The following GRM7 variants were observed in gnomAD, a reference collection of about 807,000 sequenced individuals.
The protein encoded by GRM7 is glutamate metabotropic receptor 7.
A neutral mutation model predicts 84.5 loss-of-function variants in GRM7; 35 were observed. That is an observed-to-expected ratio of 0.41 (90% CI 0.32 to 0.55). The LOEUF (loss-of-function observed/expected upper bound fraction) is 0.55, where lower values mean the gene tolerates loss of function less well. Among genes scored for constraint, GRM7 ranks in the 20% least tolerant of loss-of-function variants. GRM7 has a pLI of 0.19. For synonymous variants in GRM7, 487 were observed against 455.1 expected (o/e 1.07, Z -0.89); for missense variants, 1,003 against 1,194.6 (o/e 0.84, Z 2.36).
At chr3:7,649,504 T>G (rs1575593195) in intron 8 of GRM7, among the ~76,000 whole-genome samples, 1 of 152,258 alleles carries the variant, frequency 6.6e-6, no homozygotes, top group East Asian at 1.9e-4. Context: ...TTGATAGTGG[T>G]TATTTTTGTC....
intron 8 of GRM7, among the ~76,000 whole-genome samples, chr3:7,612,884 T>A (rs538965001): frequency 2.8e-4 from 43 of 152,312 alleles, no homozygotes; most frequent in African/African-American, 9.4e-4. Context: ...GATCCATTGC[T>A]TATCTTTAAA....
chr3:7,081,296 T>C (rs527406322), intron 1 of GRM7, among the ~76,000 whole-genome samples: 2 of 152,240 alleles, frequency 1.3e-5, no homozygotes, highest in African/African-American at 2.4e-5. Context: ...TGTCACACTT[T>C]GGTAATTCTC....
chr3:6,904,398 C>T (rs551131791), intron 1 of GRM7, among the ~76,000 whole-genome samples: 2 of 152,246 alleles, frequency 1.3e-5, no homozygotes, highest in East Asian at 3.9e-4. Context: ...AGTCATTCTA[C>T]TCTCATGCTT....
chr3:7,516,535 G>C (rs1282900458), intron 7 of GRM7, among the ~76,000 whole-genome samples: 1 of 124,852 alleles, frequency 8.0e-6, no homozygotes, highest in Non-Finnish European at 1.7e-5. Context: ...TTCTTAAAGA[G>C]AAATGGAACG....
intron 1 of GRM7, among the ~76,000 whole-genome samples, chr3:7,085,730 T>C (rs1698433677): frequency 6.6e-6 from 1 of 152,108 alleles, no homozygotes; most frequent in Admixed American, 6.6e-5. Context: ...AGTGGCTCTT[T>C]TAAGCCTTTT....
intron 1 of GRM7, among the ~76,000 whole-genome samples, chr3:7,034,674 A>G (rs1179091131): frequency 6.6e-6 from 1 of 152,198 alleles, no homozygotes; most frequent in Non-Finnish European, 1.5e-5. Context: ...AGACTCAGGA[A>G]CCAAGAACAG....
intron 2 of GRM7, among the ~76,000 whole-genome samples, chr3:7,245,852 C>G (rs933474680): frequency 6.6e-6 from 1 of 151,918 alleles, no homozygotes; most frequent in Admixed American, 6.6e-5. Flanking sequence ...CATTTTGAGG[C>G]TTACATGAAG....
chr3:7,452,081 A>G (rs936811658), intron 5 of GRM7, among the ~76,000 whole-genome samples: 4 of 152,154 alleles, frequency 2.6e-5, no homozygotes, highest in African/African-American at 4.8e-5. Flanking sequence ...TTAGACTTAC[A>G]TATGTGAGAG....
chr3:7,676,785 T>C (rs937495784), intron 8 of GRM7, among the ~76,000 whole-genome samples: 5 of 152,184 alleles, frequency 3.3e-5, no homozygotes, highest in Non-Finnish European at 7.3e-5. Context: ...TATTCAGTAT[T>C]GTAACATGCT....
chr3:7,287,377 C>T (rs749055699), intron 2 of GRM7, among the ~76,000 whole-genome samples: 2 of 152,134 alleles, frequency 1.3e-5, no homozygotes, highest in Non-Finnish European at 2.9e-5. Context: ...CTTCAAATGT[C>T]TTGTTTTATC....
intron 1 of GRM7, among the ~76,000 whole-genome samples, chr3:6,999,807 C>A (rs1029167341): frequency 1.3e-5 from 2 of 152,116 alleles, no homozygotes; most frequent in African/African-American, 4.8e-5. Flanking sequence ...AGGTAACTGA[C>A]CCCATGATTC....
chr3:7,336,396 G>A (rs969738701), intron 4 of GRM7, among the ~76,000 whole-genome samples: 2 of 151,822 alleles, frequency 1.3e-5, no homozygotes, highest in Non-Finnish European at 2.9e-5. Flanking sequence ...CATACCTTAA[G>A]GTAATAAAAG....
At chr3:7,058,430 T>A (rs1001623002) in intron 1 of GRM7, among the ~76,000 whole-genome samples, 5 of 151,890 alleles carry the variant, frequency 3.3e-5, no homozygotes, top group Non-Finnish European at 5.9e-5. Flanking sequence ...TTAGCTCAAT[T>A]TTTTTCTACA....
intron 2 of GRM7, among the ~76,000 whole-genome samples, chr3:7,154,553 A>T (rs1219747298): frequency 6.6e-6 from 1 of 152,114 alleles, no homozygotes; most frequent in Admixed American, 6.6e-5. Context: ...TGTAGAAATG[A>T]CTGCCATAGG....
At chr3:7,584,906 C>G (rs1559420563) in intron 8 of GRM7, among the ~76,000 whole-genome samples, 1 of 152,118 alleles carries the variant, frequency 6.6e-6, no homozygotes, top group Non-Finnish European at 1.5e-5. Flanking sequence ...TCAACAACAA[C>G]TAGGCAAAGA....
chr3:7,497,416 C>T (rs530854548), intron 7 of GRM7, among the ~76,000 whole-genome samples: 32 of 152,250 alleles, frequency 2.1e-4, no homozygotes, highest in African/African-American at 7.5e-4. Flanking sequence ...TTCTTCCTTC[C>T]ATGATCAAAA....
At chr3:7,465,635 A>G (rs1225044141) in intron 7 of GRM7, among the ~76,000 whole-genome samples, 1 of 152,154 alleles carries the variant, frequency 6.6e-6, no homozygotes, top group Non-Finnish European at 1.5e-5. Flanking sequence ...GCTTTCCTCT[A>G]GTCAATGGAA....
At chr3:7,310,433 A>T (rs554589574) in intron 4 of GRM7, among the ~76,000 whole-genome samples, 95 of 152,304 alleles carry the variant, frequency 6.2e-4, no homozygotes, top group African/African-American at 2.2e-3. Flanking sequence ...GGAAAGAACA[A>T]AGCTGTGAAG....
At position 7,092,883 on chromosome 3, in the gene GRM7, G is replaced by A. The variant is rs1334961762; in HGVS notation, c.520-53569G>A. Among the ~76,000 whole-genome samples, 3 of 152,102 alleles carry A rather than the reference G, an allele frequency of 2.0e-5. No individual in the cohort carries two copies. In the East Asian group the frequency reaches 5.8e-4, roughly 29 times the overall value. On this transcript the variant is annotated intron_variant, in intron 1 of 9. Coordinates refer to ENST00000357716, the MANE Select transcript of GRM7 (RefSeq NM_000844.4). Reference sequence around the variant, plus strand: ...AGGATTGCTTGAGGCCAAGAGTTAAGGCCAGCCTGGACAACATAGTGACAC... The same window carrying A: ...AGGATTGCTTGAGGCCAAGAGTTAAAGCCAGCCTGGACAACATAGTGACAC...
Sources: gnomAD v4.1 joint callset for allele counts (sites outside exome capture counted in the v4.1 genomes callset) on GRCh38, gnomAD v4.1.1 for gene constraint, MANE v1.5 for transcripts, NCBI Gene and HGNC (gene_info 2026-07-23, HGNC 2026-07-21) for gene names.